XYLT2: variants seen among roughly 807,000 people sequenced by gnomAD.
The protein encoded by XYLT2 is UDP-D-xylose:proteoglycan core protein beta-D-xylosyltransferase.
In XYLT2, 37 loss-of-function variants were observed where a neutral mutation model predicts 82.6. That is an observed-to-expected ratio of 0.45 (90% CI 0.34 to 0.59). The LOEUF is 0.59. XYLT2 is among the 20% of genes least tolerant of loss of function. The pLI is 0.01. For missense variants in XYLT2, 934 were observed against 1,181.3 expected (o/e 0.79, Z 3.07); for synonymous variants, 474 against 499.0 (o/e 0.95, Z 0.67).
At position 50,360,006 on chromosome 17, in the gene XYLT2, C is replaced by A; in HGVS notation, c.2313C>A (p.Asn771Lys). The A allele has an allele frequency of 6.2e-7, 1 of 1,612,040 alleles. No individual in the cohort carries two copies. The highest frequency in any genetic ancestry group is 8.5e-7 in the Non-Finnish European group (1 of 1,178,942). The change falls in exon 11 of 11, where the codon AAC (asparagine) becomes AAA (lysine). Residue 771 changes from asparagine (N) to lysine (K), a missense_variant. By Grantham distance (94) the Asn-to-Lys change is moderately conservative (BLOSUM62 0). This residue lies in a region of XYLT2 where 374 missense variants were observed against 465.6 expected (regional missense o/e 0.80). Coordinates refer to ENST00000017003, the MANE Select transcript of XYLT2 (RefSeq NM_022167.4). ...ASWLHAGPPH[N>K]EYMEQSFQGL... Reference sequence around the variant, plus strand: ...GGCTGCACGCAGGGCCACCCCACAACGAGTACATGGAGCAGAGTTTCCAGG... The same window carrying A: ...GGCTGCACGCAGGGCCACCCCACAAAGAGTACATGGAGCAGAGTTTCCAGG...
chr17:50,347,121 A>C (rs973971858), intron 1 of XYLT2, among the ~76,000 whole-genome samples: 2 of 152,066 alleles, frequency 1.3e-5, no homozygotes, highest in African/African-American at 4.8e-5. Context: ...CAGACACCTC[A>C]GCGGTGTGGT....
chr17:50,360,606 A>G lies in XYLT2; in HGVS notation c.*315A>G. 9.3e-7 allele frequency: 1 copy of G among 1,080,522 alleles called. No individual in the cohort carries two copies. Among genetic ancestry groups the G allele is most frequent in the Non-Finnish European group, 1.1e-6 (1 of 892,830 alleles). 66.9% of individuals were successfully genotyped at this position (1,080,522 alleles called of 1,614,324 possible). On this transcript the variant is annotated 3_prime_UTR_variant, in exon 11 of 11. Coordinates refer to ENST00000017003, the MANE Select transcript of XYLT2 (RefSeq NM_022167.4). ...TTTTTTTTTTAATTTAAAAAGGAAA[A>G]TGGGTGGTTGGGAGAGAAACTAGAA... is the stretch of plus-strand genomic sequence containing the variant.
Position 50,346,375 on chromosome 17 carries a change from C to CGCGT in XYLT2, c.135+112_135+115dup, listed in dbSNP as rs1419634111. 3 of 981,770 alleles carry CGCGT rather than the reference C, an allele frequency of 3.1e-6. No homozygotes were observed. Among genetic ancestry groups the CGCGT allele is most frequent in the Non-Finnish European group, 3.6e-6 (3 of 826,278 alleles). The allele number at this position is 981,770 out of a possible 1,614,324, so 60.8% of individuals were successfully genotyped here. ...CCAGCCGGGGAAGTGGGGCACGGGC[C>CGCGT]GCGTGCGTGCGTGCGGGGCGCCGGC... is the stretch of plus-strand genomic sequence containing the variant. On this transcript the variant is annotated intron_variant, in intron 1 of 10. Coordinates refer to ENST00000017003, the MANE Select transcript of XYLT2 (RefSeq NM_022167.4). This position sits in a 1 kb window ranked among gnomAD's most constrained non-coding sequence, Gnocchi z 5.1.
intron 1 of XYLT2, among the ~76,000 whole-genome samples, chr17:50,349,383 G>A (rs778184119): frequency 6.6e-5 from 10 of 152,248 alleles, no homozygotes; most frequent in Non-Finnish European, 5.9e-5. Context: ...AATAGGGTCT[G>A]CTGCCTCCTC....
chr17:50,353,860 C>A lies in XYLT2; in HGVS notation c.366C>A (p.Asn122Lys). 5 of 1,608,152 alleles carry A rather than the reference C, an allele frequency of 3.1e-6. No homozygotes were observed. Among genetic ancestry groups the A allele is most frequent in the Non-Finnish European group, 4.2e-6 (5 of 1,178,864 alleles). Residue 122 changes from asparagine (N) to lysine (K), a missense_variant, in exon 2 of 11, where the codon AAC becomes AAA. By Grantham distance (94) the Asn-to-Lys change is moderately conservative (BLOSUM62 0). This residue lies in a region of XYLT2 where 371 missense variants were observed against 394.9 expected (regional missense o/e 0.94). Transcript: ENST00000017003. Reference protein sequence around the residue: ...APPPEAPGRQNLSGAAAGEAL... With the variant: ...APPPEAPGRQKLSGAAAGEAL... ...CCCCGGAAGCCCCAGGCCGCCAGAA[C>A]CTGAGTGGGGCAGCAGCTGGGGAGG...
chr17:50,346,384 G>T lies in XYLT2; in HGVS notation c.135+109G>T. ...GAAGTGGGGCACGGGCCGCGTGCGT[G>T]CGTGCGGGGCGCCGGCGGTCGCCCA... is the stretch of plus-strand genomic sequence containing the variant. On this transcript the variant is annotated intron_variant, in intron 1 of 10. Coordinates refer to ENST00000017003, the MANE Select transcript of XYLT2 (RefSeq NM_022167.4). This position sits in a 1 kb window ranked among gnomAD's most constrained non-coding sequence, Gnocchi z 5.1. The T allele has an allele frequency of 1.0e-6, 1 of 976,576 alleles. No individual in the cohort carries two copies. Among genetic ancestry groups the T allele is most frequent in the African/African-American group, 1.8e-5 (1 of 56,976 alleles). The allele number at this position is 976,576 out of a possible 1,614,324, so 60.5% of individuals were successfully genotyped here.
intron 9 of XYLT2, chr17:50,357,715 A>G (rs1280347215): frequency 6.1e-6 from 1 of 163,692 alleles, no homozygotes; most frequent in Non-Finnish European, 1.3e-5. Context: ...AGCTGGGACT[A>G]CAGGCGCGCG....
intron 9 of XYLT2, 178 bp downstream of exon 9, chr17:50,357,430 C>A: frequency 1.6e-6 from 1 of 606,466 alleles, no homozygotes; most frequent in East Asian, 3.0e-5. Context: ...TGAGGAGCAC[C>A]TCCTGGTTGG....
chr17:50,348,664 G>T (rs1200875098), intron 1 of XYLT2, among the ~76,000 whole-genome samples: 1 of 152,200 alleles, frequency 6.6e-6, no homozygotes, highest in African/African-American at 2.4e-5. Flanking sequence ...TGCAGCCCGA[G>T]AAGTCAAAGG....
Position 50,359,949 on chromosome 17 carries a change from T to C in XYLT2, c.2276-20T>C. ...AGTCTGTTGCAGGGGGTGTGCTTAC[T>C]GCCTGCTCTGCACCCACAGATGATG... On this transcript the variant is annotated intron_variant, in intron 10 of 10. Transcript: ENST00000017003. The C allele has an allele frequency of 6.4e-7, 1 of 1,553,070 alleles. No individual in the cohort carries two copies. The highest frequency in any genetic ancestry group is 1.2e-5 in the South Asian group (1 of 83,688).
In XYLT2 at chr17:50,360,275, A is replaced by G; in HGVS notation, c.2582A>G (p.Asp861Gly). 6.3e-7 allele frequency: 1 copy of G among 1,597,460 alleles called. No individual in the cohort carries two copies. Among genetic ancestry groups the G allele is most frequent in the Non-Finnish European group, 8.5e-7 (1 of 1,169,782 alleles). The change falls in exon 11 of 11, where the codon GAC becomes GGC. Residue 861 changes from aspartate (D) to glycine (G), a missense_variant. Physicochemically the swap from Asp to Gly is moderately conservative, Grantham distance 94. This residue lies in a region of XYLT2 where 374 missense variants were observed against 465.6 expected (regional missense o/e 0.80). Coordinates refer to ENST00000017003, the MANE Select transcript of XYLT2 (RefSeq NM_022167.4). The part of the protein sequence containing the change: ...PKSELGPVKA[D>G]GRLR Reference sequence around the variant, plus strand: ...TCAGAGCTGGGGCCTGTCAAAGCAGACGGGCGACTCAGGTAGCAGGGCCCC... The same window carrying G: ...TCAGAGCTGGGGCCTGTCAAAGCAGGCGGGCGACTCAGGTAGCAGGGCCCC...
intron 9 of XYLT2, chr17:50,357,458 C>CA: frequency 1.1e-5 from 6 of 527,338 alleles, no homozygotes; most frequent in Non-Finnish European, 1.7e-5. Flanking sequence ...AGAGGACATG[C>CA]AGGGAGCAGG....
At chr17:50,358,157 GAGA>G (rs1912630136) in intron 9 of XYLT2, 47 bp from the exon 10 acceptor site, 1 of 1,492,590 alleles carries the variant, frequency 6.7e-7, no homozygotes, top group East Asian at 2.3e-5. Flanking sequence ...TCAGAGGAGG[GAGA>G]AGGACCTTTC....
intron 9 of XYLT2, 28 bp downstream of exon 9, chr17:50,357,280 C>T: frequency 5.9e-6 from 9 of 1,534,644 alleles, no homozygotes; most frequent in Non-Finnish European, 7.9e-6. Context: ...CTTGCTTTCT[C>T]CCAACCCCCA....
intron 1 of XYLT2, 138 bp from the exon 2 acceptor site, chr17:50,353,492 C>T: frequency 7.3e-7 from 1 of 1,366,044 alleles, no homozygotes; most frequent in Non-Finnish European, 9.7e-7. Flanking sequence ...GTGCGGAGTC[C>T]TTAGGTGAAA....
At position 50,353,745 on chromosome 17, in the gene XYLT2, G is replaced by C; in HGVS notation, c.251G>C (p.Arg84Pro). 6.4e-7 allele frequency: 1 copy of C among 1,558,202 alleles called. No homozygotes were observed. The highest frequency in any genetic ancestry group is 8.7e-7 in the Non-Finnish European group (1 of 1,150,986). ...TGRRHGRWRG[R>P]AESPGVPVAK... The stretch of plus-strand genomic sequence containing the variant: ...AGAAGGCATGGGCGCTGGCGGGGCC[G>C]TGCTGAGAGCCCAGGAGTGCCCGTG... The change falls in exon 2 of 11, where the codon CGT (arginine) becomes CCT (proline). Residue 84 changes from arginine (R) to proline (P), a missense_variant. Physicochemically the swap from Arg to Pro is moderately radical, Grantham distance 103 (BLOSUM62 -2). This residue lies in a region of XYLT2 where 371 missense variants were observed against 394.9 expected (regional missense o/e 0.94). Transcript: ENST00000017003.
chr17:50,356,907 C>A, intron 8 of XYLT2, 134 bp downstream of exon 8: 1 of 1,472,880 alleles, frequency 6.8e-7, no homozygotes, highest in Non-Finnish European at 9.1e-7. Context: ...ACCGAAAAGA[C>A]GGCTAGAGCC....
In XYLT2 at chr17:50,356,326, G is replaced by A. The variant is rs531081702; in HGVS notation, c.1482+65G>A. The A allele has an allele frequency of 2.4e-4, 386 of 1,582,062 alleles. 3 individuals carry two copies. The South Asian group carries it at 4.2e-3, about 17-fold the overall frequency. On this transcript the variant is annotated intron_variant, in intron 7 of 10. Coordinates refer to ENST00000017003, the MANE Select transcript of XYLT2 (RefSeq NM_022167.4). ...TCCCCTGGCTTTTCACCAGGAAAAT[G>A]GCAGGGTGGGCCAGTAAGAGAATCT... is the stretch of plus-strand genomic sequence containing the variant.
intron 1 of XYLT2, chr17:50,347,033 C>A: frequency 2.9e-6 from 2 of 678,266 alleles, no homozygotes; most frequent in Non-Finnish European, 1.8e-6. Flanking sequence ...CAGGGGCAAC[C>A]AACAGCCGTC....
Sources: allele counts gnomAD v4.1 joint callset (sites outside exome capture counted in the v4.1 genomes callset), GRCh38; gene constraint gnomAD v4.1.1; regional missense constraint gnomAD v4.1.1; non-coding constraint Gnocchi (gnomAD v3.1); transcripts MANE v1.5; gene names NCBI Gene and HGNC (gene_info 2026-07-23, HGNC 2026-07-21).